The following LTBP4 variants were observed in gnomAD, a reference collection of about 807,000 sequenced individuals.
LTBP4 encodes latent transforming growth factor beta binding protein 4.
Under a neutral mutation model 180.2 loss-of-function variants are expected in LTBP4, and 93 were observed. The ratio of observed to expected loss-of-function variants is 0.52; its 90% CI spans 0.44 to 0.61. LTBP4 has a LOEUF of 0.61. LTBP4 is among the 20% of genes least tolerant of loss of function. LTBP4 has a pLI of 0.00. For synonymous variants in LTBP4, 947 were observed against 934.5 expected (o/e 1.01, Z -0.24); for missense variants, 2,116 against 2,256.5 (o/e 0.94, Z 1.26).
At chr19:40,600,954 C>T (rs2053764935), upstream of LTBP4, among the ~76,000 whole-genome samples, 1 of 152,184 alleles carries the variant, frequency 6.6e-6, no homozygotes, top group Non-Finnish European at 1.5e-5. This position sits in a 1 kb window ranked among gnomAD's most constrained non-coding sequence, Gnocchi z 4.4. Context: ...ATGATAGCCC[C>T]CTATCAAGAT....
At chr19:40,615,200 G>GGC (rs1555737794) in intron 19 of LTBP4, 1 of 147,744 alleles carries the variant, frequency 6.8e-6, no homozygotes, top group African/African-American at 2.5e-5. Flanking sequence ...CGGCGGGGGG[G>GGC]GGGGGGCGGT....
Position 40,593,199 on chromosome 19 carries a change from C to T in LTBP4, c.16+18C>T, listed in dbSNP as rs374791501. On this transcript the variant is annotated intron_variant, in intron 1 of 32. Transcript: ENST00000204005. ...CGTAAAAGGTGAGTGCCTCTGAAAC[C>T]GGGGTGTTCTGAAATAGCTGTGCAC... is the stretch of plus-strand genomic sequence containing the variant. The T allele has an allele frequency of 1.2e-4, 191 of 1,613,446 alleles. No individual in the cohort carries two copies. The highest frequency in any genetic ancestry group is 1.6e-4 in the Non-Finnish European group (186 of 1,179,698).
intron 1 of LTBP4, among the ~76,000 whole-genome samples, chr19:40,604,345 G>T (rs1345747869): frequency 6.6e-6 from 1 of 152,056 alleles, no homozygotes; most frequent in Non-Finnish European, 1.5e-5. Context: ...GAATGCGAAG[G>T]AGACAGAGTT....
At chr19:40,599,076 T>C (rs2081406296), upstream of LTBP4, 1 of 867,272 alleles carries the variant, frequency 1.2e-6, no homozygotes, top group African/African-American at 1.7e-5. Flanking sequence ...AGAACCTCGT[T>C]AGTCATATAC....
At chr19:40,610,957 T>TCA in intron 12 of LTBP4, 195 bp from the exon 13 acceptor site, 1 of 790,470 alleles carries the variant, frequency 1.3e-6, no homozygotes, top group Non-Finnish European at 2.0e-6. Flanking sequence ...GGAGGCCTTC[T>TCA]CATGGGGACT....
In LTBP4 at chr19:40,613,167, C is replaced by T. The variant is rs532233295; in HGVS notation, c.2402C>T (p.Ala801Val). ...FRCSCAPGYR[A>V]PSGRPGPCAD... ...TGCAGCTGCGCGCCAGGCTACCGGG[C>T]GCCGTCGGGTCGGCCCGGGCCCTGC... Residue 801 changes from alanine to valine, a missense_variant, in exon 16 of 30, where the codon GCG becomes GTG. Around this residue, in one of 5 missense-constraint regions of LTBP4, gnomAD observed 877 missense variants for 873.6 expected, o/e 1.00. Coordinates refer to ENST00000396819, the MANE Select transcript of LTBP4 (RefSeq NM_001042545.2). This position sits in a 1 kb window ranked among gnomAD's most constrained non-coding sequence, Gnocchi z 5.0. The T allele has an allele frequency of 6.3e-7, 1 of 1,579,986 alleles. No homozygotes were observed. Among genetic ancestry groups the T allele is most frequent in the Non-Finnish European group, 8.6e-7 (1 of 1,163,398 alleles).
Position 40,624,010 on chromosome 19 carries a change from T to C in LTBP4, c.3760T>C (p.Cys1254Arg). Reference protein sequence around the residue: ...RCVNTVGSYHCTCEPPLVLDG... With the variant: ...RCVNTVGSYHRTCEPPLVLDG... ...TGTCAACACTGTGGGCTCTTATCAC[T>C]GTACCTGCGAGCCCCCACTGGTGCT... The change falls in exon 26 of 30, where the codon TGT (cysteine) becomes CGT (arginine). Residue 1254 changes from cysteine to arginine, a missense_variant. Physicochemically the swap from Cys to Arg is radical, Grantham distance 180. Around this residue, in one of 5 missense-constraint regions of LTBP4, gnomAD observed 488 missense variants for 458.8 expected, o/e 1.06. Coordinates refer to ENST00000396819, the MANE Select transcript of LTBP4 (RefSeq NM_001042545.2). 6.2e-7 allele frequency: 1 copy of C among 1,611,550 alleles called. No individual in the cohort carries two copies. Among genetic ancestry groups the C allele is most frequent in the Non-Finnish European group, 8.5e-7 (1 of 1,178,676 alleles).
chr19:40,627,881 A>C (rs756447931), intron 29 of LTBP4, 24 bp downstream of exon 29: 1 of 1,548,724 alleles, frequency 6.5e-7, no homozygotes, highest in Admixed American at 1.9e-5. Flanking sequence ...CGGGGCCAGC[A>C]TGCGCAGGGA....
intron 1 of LTBP4, chr19:40,593,215 A>G (rs1191751431): frequency 1.2e-6 from 2 of 1,612,994 alleles, no homozygotes; most frequent in Non-Finnish European, 1.7e-6. Flanking sequence ...GTTCTGAAAT[A>G]GCTGTGCACC....
chr19:40,594,921 G>A (rs1418297450), intron 1 of LTBP4, among the ~76,000 whole-genome samples: 1 of 151,838 alleles, frequency 6.6e-6, no homozygotes, highest in Middle Eastern at 3.2e-3. Flanking sequence ...GGAAGAAGGA[G>A]CAGGAGTGGG....
Position 40,622,792 on chromosome 19 carries a change from G to C in LTBP4, c.3484+125G>C, listed in dbSNP as rs139594880. 1.1e-3 allele frequency: 1,560 copies of C among 1,427,772 alleles called. 10 individuals are homozygous for C. The African/African-American group carries it at 0.02, about 18-fold the overall frequency. 88.4% of individuals were successfully genotyped at this position (1,427,772 alleles called of 1,614,324 possible). Reference sequence around the variant, plus strand: ...AGGTACTAGTACTGTCAGGGCAAGGGCGAGCTGCCAGGCAGGTGGGCATGG... The same window carrying C: ...AGGTACTAGTACTGTCAGGGCAAGGCCGAGCTGCCAGGCAGGTGGGCATGG... On this transcript the variant is annotated intron_variant, in intron 23 of 29. Transcript: ENST00000396819. This position sits in a 1 kb window ranked among gnomAD's most constrained non-coding sequence, Gnocchi z 5.1.
upstream of LTBP4, among the ~76,000 whole-genome samples, chr19:40,601,127 C>A (rs1278699967): frequency 6.6e-6 from 1 of 152,164 alleles, no homozygotes; most frequent in African/African-American, 2.4e-5. Flanking sequence ...CGCTCCCCTA[C>A]AGGCCCGGTC....
Position 40,623,977 on chromosome 19 carries a change from G to GGCCGCTGTGTCAACACTGTGGGCT in LTBP4, c.3728_3751dup (p.Gly1250_Ser1251insCysArgCysValAsnThrValGly). The stretch of plus-strand genomic sequence containing the variant: ...CGATGAGGAACCGGCCTGTGAGGGC[G>GGCCGCTGTGTCAACACTGTGGGCT]GCCGCTGTGTCAACACTGTGGGCTC... On this transcript the variant is annotated inframe_insertion, in exon 26 of 30. Coordinates refer to ENST00000396819, the MANE Select transcript of LTBP4 (RefSeq NM_001042545.2). 1 of 1,613,816 alleles carries GGCCGCTGTGTCAACACTGTGGGCT rather than the reference G, an allele frequency of 6.2e-7. No homozygotes were observed. The highest frequency in any genetic ancestry group is 8.5e-7 in the Non-Finnish European group (1 of 1,179,832).
At chr19:40,614,854 C>G (rs1372484882) in intron 19 of LTBP4, among the ~76,000 whole-genome samples, 1 of 152,182 alleles carries the variant, frequency 6.6e-6, no homozygotes, top group Non-Finnish European at 1.5e-5. Context: ...TTCCAGCCTT[C>G]CCTCCAAAGA....
At chr19:40,620,574 G>T (rs1227670681) in intron 22 of LTBP4, among the ~76,000 whole-genome samples, 1 of 151,740 alleles carries the variant, frequency 6.6e-6, no homozygotes, top group Non-Finnish European at 1.5e-5. Context: ...TCAGGAGTTC[G>T]AGACCAGCAT....
Position 40,609,917 on chromosome 19 carries a change from G to C in LTBP4, c.1684+46G>C, listed in dbSNP as rs762404033. On this transcript the variant is annotated intron_variant, in intron 11 of 29. Coordinates refer to ENST00000396819, the MANE Select transcript of LTBP4 (RefSeq NM_001042545.2). The surrounding 1 kb of genome is among the most constrained non-coding windows in gnomAD (Gnocchi z 4.9). ...GGCTCCAGGCCCACCCCAGGGTCTC[G>C]CTCCTGCTCTCACTCCAGAGCCTCT... 111 of 1,480,538 alleles carry C rather than the reference G, an allele frequency of 7.5e-5. No homozygotes were observed. Among genetic ancestry groups the C allele is most frequent in the Non-Finnish European group, 9.6e-5 (107 of 1,114,478 alleles). 91.7% of individuals were successfully genotyped at this position (1,480,538 alleles called of 1,614,324 possible).
Position 40,610,479 on chromosome 19 carries a change from G to T in LTBP4, c.1685-53G>T, listed in dbSNP as rs748790989. On this transcript the variant is annotated intron_variant, in intron 11 of 29. Coordinates refer to ENST00000396819, the MANE Select transcript of LTBP4 (RefSeq NM_001042545.2). ...CCCTCTACCCCTGCCTCCTTGCGTC[G>T]CTTCTCCCGGGGCTGTCTGCCCCAG... 199 of 1,544,974 alleles carry T rather than the reference G, an allele frequency of 1.3e-4. 1 individual carries two copies. The highest frequency in any genetic ancestry group is 6.3e-4 in the South Asian group (54 of 85,816).
At chr19:40,617,501 G>A (rs796877881) in intron 21 of LTBP4, among the ~76,000 whole-genome samples, 37 of 152,010 alleles carry the variant, frequency 2.4e-4, no homozygotes, top group African/African-American at 8.0e-4. Flanking sequence ...AAAATTAGCC[G>A]GATCTGGTGG....
At position 40,622,158 on chromosome 19, in the gene LTBP4, C is replaced by CTG; in HGVS notation, c.3218-241_3218-240dup. ...GAAGTTCCCTCACCACCCACCCAAG[C>CTG]TGTTAGCTGCAGTGACGGGAAAGTG... On this transcript the variant is annotated intron_variant, in intron 22 of 29. Transcript: ENST00000396819. The surrounding 1 kb of genome is among the most constrained non-coding windows in gnomAD (Gnocchi z 5.1). 6.6e-6 allele frequency among the ~76,000 whole-genome samples: 1 copy of CTG among 152,276 alleles called. No individual in the cohort carries two copies. The highest frequency in any genetic ancestry group is 6.5e-5 in the Admixed American group (1 of 15,284).
Sources: gnomAD v4.1 joint callset for allele counts (sites outside exome capture counted in the v4.1 genomes callset) on GRCh38, gnomAD v4.1.1 for gene constraint, gnomAD v4.1.1 regional missense constraint, Gnocchi (gnomAD v3.1) non-coding constraint, MANE v1.5 for transcripts, NCBI Gene and HGNC (gene_info 2026-07-23, HGNC 2026-07-21) for gene names.